NXPE1: variants seen among roughly 807,000 people sequenced by gnomAD.
NXPE1 encodes neurexophilin and PC-esterase domain family member 1, also known as NXPE family member 1.
Under a neutral mutation model 33.3 loss-of-function variants are expected in NXPE1, and 31 were observed. That is an observed-to-expected ratio of 0.93 (90% CI 0.70 to 1.26). The LOEUF is 1.26. NXPE1 is among the 50% of genes most tolerant of loss of function. NXPE1 has a pLI of 0.00. For synonymous variants in NXPE1, 229 were observed against 231.4 expected (o/e 0.99, Z 0.09); for missense variants, 661 against 655.6 (o/e 1.01, Z -0.09).
intron 7 of NXPE1, among the ~76,000 whole-genome samples, chr11:114,527,471 A>G (rs574907397): frequency 9.2e-5 from 14 of 152,332 alleles, no homozygotes; most frequent in African/African-American, 3.4e-4. Flanking sequence ...AATTGCATCA[A>G]CTAAATGTTA....
intron 5 of NXPE1, among the ~76,000 whole-genome samples, chr11:114,549,147 A>C (rs1040225108): frequency 2.6e-5 from 4 of 152,162 alleles, no homozygotes; most frequent in African/African-American, 9.6e-5. Context: ...ACTGCTACTG[A>C]ATGCACAAAG....
At chr11:114,525,326 G>C (rs1210582128) in intron 7 of NXPE1, among the ~76,000 whole-genome samples, 1 of 151,858 alleles carries the variant, frequency 6.6e-6, no homozygotes, top group Non-Finnish European at 1.5e-5. Flanking sequence ...GTCCCCCAAA[G>C]ATATCCACAT....
intron 6 of NXPE1, chr11:114,528,891 G>GTTGATGGGTAGGAAGAGAT (rs1257660884): frequency 3.3e-6 from 2 of 601,148 alleles, no homozygotes; most frequent in African/African-American, 3.6e-5. Context: ...CATAAGGATG[G>GTTGATGGGTAGGAAGAGAT]TTGATGGGTA....
chr11:114,549,254 T>A (rs1333589903), intron 5 of NXPE1, among the ~76,000 whole-genome samples: 2 of 151,904 alleles, frequency 1.3e-5, no homozygotes, highest in Non-Finnish European at 2.9e-5. Flanking sequence ...AACAAAAAGC[T>A]TCCAAATCAA....
chr11:114,550,752 A>G (rs1305769387), intron 5 of NXPE1, among the ~76,000 whole-genome samples: 3 of 152,202 alleles, frequency 2.0e-5, no homozygotes, highest in South Asian at 4.1e-4. Context: ...GGAAAAGGAA[A>G]TCATAGACAC....
At position 114,532,678 on chromosome 11, in the gene NXPE1, G is replaced by C. The variant is rs534881514; in HGVS notation, c.100-1770C>G. Among the ~76,000 whole-genome samples, 7 of 152,060 alleles carry C rather than the reference G, an allele frequency of 4.6e-5. No individual in the cohort carries two copies. The South Asian group carries it at 6.2e-4, about 14-fold the overall frequency. On this transcript the variant is annotated intron_variant, in intron 5 of 8. Coordinates refer to ENST00000534921, the Ensembl canonical transcript of NXPE1. Reference sequence around the variant, plus strand: ...AAAGTACAGGCCCATTTTATTCATGGAGATGACTTTTAAATTCTCTGTCTC... The same window carrying C: ...AAAGTACAGGCCCATTTTATTCATGCAGATGACTTTTAAATTCTCTGTCTC...
chr11:114,553,217 A>C (rs1948561306), intron 1 of NXPE1, among the ~76,000 whole-genome samples: 1 of 152,182 alleles, frequency 6.6e-6, no homozygotes, highest in African/African-American at 2.4e-5. Context: ...TCTTTGTAAT[A>C]ATATGTGCTA....
At chr11:114,530,131 C>A in intron 6 of NXPE1, 44 bp downstream of exon 6, 1 of 1,538,960 alleles carries the variant, frequency 6.5e-7, no homozygotes, top group East Asian at 2.2e-5. Context: ...GACTGGGGCA[C>A]TTCTCAGGGG....
intron 6 of NXPE1, chr11:114,529,319 G>A (rs1211112486): frequency 6.6e-6 from 1 of 152,632 alleles, no homozygotes; most frequent in Non-Finnish European, 1.5e-5. Context: ...AAGTCTTAGG[G>A]CTTGGCTCAC....
At chr11:114,535,818 G>A (rs4293154) in intron 5 of NXPE1, among the ~76,000 whole-genome samples, 2 of 151,852 alleles carry the variant, frequency 1.3e-5, no homozygotes, top group African/African-American at 2.4e-5. Flanking sequence ...CTTAGACTCC[G>A]ACACAATAAT....
chr11:114,553,901 T>G, intron 1 of NXPE1: 1 of 982,802 alleles, frequency 1.0e-6, no homozygotes, highest in Non-Finnish European at 1.2e-6. Context: ...GTGGAAGTCA[T>G]CAAAGGCTAT....
chr11:114,556,445 G>C (rs1427681005), intron 1 of NXPE1, among the ~76,000 whole-genome samples: 1 of 151,984 alleles, frequency 6.6e-6, no homozygotes, highest in Admixed American at 6.6e-5. Context: ...TTTCTTCTAA[G>C]GCCTTTCTCC....
intron 5 of NXPE1, among the ~76,000 whole-genome samples, chr11:114,543,690 C>G (rs1359227234): frequency 2.6e-5 from 4 of 151,112 alleles, no homozygotes; most frequent in African/African-American, 9.9e-5. Context: ...AGAATGTCCT[C>G]TTTCACCACT....
At chr11:114,543,526 A>G (rs1187132608) in intron 5 of NXPE1, among the ~76,000 whole-genome samples, 5 of 152,034 alleles carry the variant, frequency 3.3e-5, no homozygotes, top group Non-Finnish European at 7.4e-5. Flanking sequence ...GTTTAAAAAA[A>G]AAAAAAATCT....
exon 8 of NXPE1, chr11:114,522,910 C>T (rs763901184): frequency 2.0e-5 from 33 of 1,613,264 alleles, no homozygotes; most frequent in Non-Finnish European, 2.8e-5. Context: ...AGTAGATCCA[C>T]TGACGTAGTG....
chr11:114,529,953 T>C, intron 6 of NXPE1: 1 of 505,968 alleles, frequency 2.0e-6, no homozygotes. Context: ...TGTGAACACA[T>C]AGAAGAACGG....
chr11:114,557,197 T>C, intron 1 of NXPE1, among the ~76,000 whole-genome samples: 1 of 152,132 alleles, frequency 6.6e-6, no homozygotes, highest in South Asian at 2.1e-4. Context: ...CCCGGCCCCC[T>C]TTTTGACCTC....
chr11:114,528,542 G>A (rs1290035459), intron 6 of NXPE1, among the ~76,000 whole-genome samples: 1 of 152,214 alleles, frequency 6.6e-6, no homozygotes, highest in Non-Finnish European at 1.5e-5. Context: ...GGTAATGTGT[G>A]TGTCTGGTCC....
intron 1 of NXPE1, among the ~76,000 whole-genome samples, chr11:114,556,818 T>A (rs1426680113): frequency 6.6e-6 from 1 of 152,110 alleles, no homozygotes; most frequent in Non-Finnish European, 1.5e-5. Context: ...CGTTGATATA[T>A]CTATGTAATT....
Sources: allele counts gnomAD v4.1 joint callset (sites outside exome capture counted in the v4.1 genomes callset), GRCh38; gene constraint gnomAD v4.1.1; transcripts MANE v1.5; gene names NCBI Gene and HGNC (gene_info 2026-07-23, HGNC 2026-07-21).